EHMT1: variants seen among roughly 807,000 people sequenced by gnomAD.
EHMT1 encodes histone-lysine N-methyltransferase EHMT1.
EHMT1 carries 15 observed loss-of-function variants against 147.2 expected under a neutral mutation model. That is an observed-to-expected ratio of 0.10 (90% CI 0.07 to 0.16). The LOEUF (loss-of-function observed/expected upper bound fraction) is 0.16. Among genes scored for constraint, EHMT1 ranks in the 10% least tolerant of loss-of-function variants. The pLI is 1.00. For missense variants in EHMT1, 1,587 were observed against 1,772.4 expected, an observed-to-expected ratio of 0.90 and a Z score of 1.88; for synonymous variants, 795 against 709.6, an observed-to-expected ratio of 1.12 and a Z score of -1.91.
Position 137,754,409 on chromosome 9 carries a change from A to T in EHMT1, c.1369+118A>T, listed in dbSNP as rs1009074288. ...ATTAGAAAAGAGGGCATCACTGTTT[A>T]AAAAAAATGTTTGAAATGACTTTGT... is the stretch of plus-strand genomic sequence containing the variant. On this transcript the variant is annotated intron_variant, in intron 8 of 26. Transcript: ENST00000460843. The T allele has an allele frequency of 4.4e-6, 6 of 1,377,510 alleles. No individual in the cohort carries two copies. In the African/African-American group the frequency reaches 4.4e-5, roughly 10 times the overall value. 85.3% of individuals were successfully genotyped at this position (1,377,510 alleles called of 1,614,324 possible). A position where few individuals can be genotyped will look rare whatever the true frequency, so the allele number is the denominator to read the frequency against.
intron 3 of EHMT1, among the ~76,000 whole-genome samples, chr9:137,725,205 CTTCGTGGGGCAGGTATGTGGCA>C (rs1180779023): frequency 2.3e-5 from 3 of 130,062 alleles, no homozygotes; most frequent in Non-Finnish European, 3.3e-5. Context: ...GGTGTGTGGC[CTTCGTGGGGCAGGTATGTGGCA>C]TTCGTGGGGC....
rs190705955 is a variant in EHMT1, at chr9:137,727,601, T to C, written c.643-748T>C. Among the ~76,000 whole-genome samples the C allele has an allele frequency of 2.5e-3, 380 of 152,372 alleles. 3 individuals are homozygous for C. Among genetic ancestry groups the C allele is most frequent in the African/African-American group, 8.7e-3 (362 of 41,594 alleles). On this transcript the variant is annotated intron_variant, in intron 3 of 26. Coordinates refer to ENST00000460843, the MANE Select transcript of EHMT1 (RefSeq NM_024757.5). ...TTTTACTGTGTATTTTACTGTGTAT[T>C]GCACCCACTATGTGCACAGTAAAGT...
At chr9:137,700,848 G>C (rs531234706) in intron 1 of EHMT1, among the ~76,000 whole-genome samples, 3 of 152,138 alleles carry the variant, frequency 2.0e-5, no homozygotes, top group African/African-American at 7.2e-5. Flanking sequence ...GGGTGTATTG[G>C]CTCGTTCTCA....
intron 1 of EHMT1, chr9:137,641,563 C>T (rs891285469): frequency 1.7e-5 from 5 of 297,876 alleles, no homozygotes; most frequent in South Asian, 5.9e-5. Context: ...CGTGGTTGGC[C>T]GAATTTGTCT....
At chr9:137,752,546 C>A in intron 7 of EHMT1, 138 bp downstream of exon 7, 1 of 983,192 alleles carries the variant, frequency 1.0e-6, no homozygotes, top group South Asian at 1.4e-5. Flanking sequence ...ATGGTGATGG[C>A]CACAGATGGG....
intron 16 of EHMT1, among the ~76,000 whole-genome samples, chr9:137,794,650 G>GAA (rs11302977): frequency 1.7e-4 from 18 of 106,244 alleles, no homozygotes; most frequent in African/African-American, 5.7e-4. Flanking sequence ...CCATCTCTAA[G>GAA]AAAAAAAAAA....
At chr9:137,784,287 C>T in intron 15 of EHMT1, 2 of 1,463,192 alleles carry the variant, frequency 1.4e-6, no homozygotes, top group Non-Finnish European at 1.8e-6. Context: ...CTCCGCCTTT[C>T]AGAGAGGCGT....
At chr9:137,743,555 C>G in intron 5 of EHMT1, 27 bp downstream of exon 5, 2 of 1,613,860 alleles carry the variant, frequency 1.2e-6, no homozygotes, top group Non-Finnish European at 1.7e-6. Flanking sequence ...AGTGAGTTGC[C>G]ACGTGTGCGT....
Position 137,834,979 on chromosome 9 carries a change from G to A in EHMT1, c.*26G>A, listed in dbSNP as rs995225006. On this transcript the variant is annotated 3_prime_UTR_variant, in exon 27 of 27. Coordinates refer to ENST00000460843, the MANE Select transcript of EHMT1 (RefSeq NM_024757.5). Reference sequence around the variant, plus strand: ...GACGCCGCCGGCCAGCGGGGCGCTCGGGAGCCAGGGACCGCCGCGTCGCCG... The same window carrying A: ...GACGCCGCCGGCCAGCGGGGCGCTCAGGAGCCAGGGACCGCCGCGTCGCCG... 3.6e-6 allele frequency: 5 copies of A among 1,384,738 alleles called. No individual in the cohort carries two copies. The highest frequency in any genetic ancestry group is 4.6e-6 in the Non-Finnish European group (5 of 1,077,660). 85.8% of individuals were successfully genotyped at this position (1,384,738 alleles called of 1,614,324 possible). A position where few individuals can be genotyped will look rare whatever the true frequency, so the allele number is the denominator to read the frequency against.
chr9:137,796,456 G>A (rs940704820), intron 16 of EHMT1, among the ~76,000 whole-genome samples: 4 of 152,144 alleles, frequency 2.6e-5, no homozygotes, highest in Non-Finnish European at 5.9e-5. Flanking sequence ...TGTAATCCCA[G>A]CACTTTGGGA....
chr9:137,704,073 CCA>C (rs1944052491), intron 1 of EHMT1, among the ~76,000 whole-genome samples: 1 of 152,054 alleles, frequency 6.6e-6, no homozygotes, highest in Non-Finnish European at 1.5e-5. Flanking sequence ...GGGGGAAGTG[CCA>C]CACACTTTCC....
At chr9:137,670,725 A>ACGGGCCTGTCTGCGCGTCTTCCT (rs1940496270) in intron 1 of EHMT1, among the ~76,000 whole-genome samples, 1 of 152,002 alleles carries the variant, frequency 6.6e-6, no homozygotes, top group Non-Finnish European at 1.5e-5. Context: ...TCCAGTTCCT[A>ACGGGCCTGTCTGCGCGTCTTCCT]CGGGCCTGTC....
At chr9:137,694,880 G>A (rs1490064880) in intron 1 of EHMT1, among the ~76,000 whole-genome samples, 1 of 152,240 alleles carries the variant, frequency 6.6e-6, no homozygotes, top group Non-Finnish European at 1.5e-5. Flanking sequence ...TGTACTCTCG[G>A]TCTTGAAGGA....
chr9:137,704,149 A>T (rs1210595172), intron 1 of EHMT1, among the ~76,000 whole-genome samples: 1 of 152,220 alleles, frequency 6.6e-6, no homozygotes, highest in Non-Finnish European at 1.5e-5. Context: ...CCCATGATCC[A>T]GTTACCTCCC....
chr9:137,796,120 G>A (rs1185620209), intron 16 of EHMT1, among the ~76,000 whole-genome samples: 4 of 152,190 alleles, frequency 2.6e-5, no homozygotes, highest in African/African-American at 7.2e-5. Flanking sequence ...CTTCCAACAC[G>A]AAGACGCCAG....
intron 1 of EHMT1, among the ~76,000 whole-genome samples, chr9:137,690,944 TACATA>T (rs1340789845): frequency 6.6e-6 from 1 of 152,232 alleles, no homozygotes; most frequent in African/African-American, 2.4e-5. Flanking sequence ...TGACAACATA[TACATA>T]ACATAAAATT....
At position 137,830,514 on chromosome 9, in the gene EHMT1, A is replaced by G. The variant is rs561837369; in HGVS notation, c.3541-3835A>G. On this transcript the variant is annotated intron_variant, in intron 25 of 26. Coordinates refer to ENST00000460843, the MANE Select transcript of EHMT1 (RefSeq NM_024757.5). Reference sequence around the variant, plus strand: ...TTTTATCCAACTTCTTTGATTTTATATTTGCATCTCTTACAATAAAAATTT... The same window carrying G: ...TTTTATCCAACTTCTTTGATTTTATGTTTGCATCTCTTACAATAAAAATTT... Among the ~76,000 whole-genome samples, 105 of 152,286 alleles carry G rather than the reference A, an allele frequency of 6.9e-4. 3 individuals are homozygous for G. Among genetic ancestry groups the G allele is most frequent in the South Asian group, 6.2e-4 (3 of 4,826 alleles).
chr9:137,653,568 G>A (rs568388804), intron 1 of EHMT1, among the ~76,000 whole-genome samples: 18 of 151,618 alleles, frequency 1.2e-4, no homozygotes, highest in African/African-American at 3.9e-4. Flanking sequence ...TGCTCTTGTC[G>A]CCCAGGCTGG....
At chr9:137,719,091 C>G (rs1266201693) in intron 3 of EHMT1, among the ~76,000 whole-genome samples, 1 of 152,156 alleles carries the variant, frequency 6.6e-6, no homozygotes, top group Non-Finnish European at 1.5e-5. Context: ...TGAATTCTAT[C>G]TTGCGTTATC....
Sources: allele counts gnomAD v4.1 joint callset (sites outside exome capture counted in the v4.1 genomes callset), GRCh38; gene constraint gnomAD v4.1.1; transcripts MANE v1.5; gene names NCBI Gene and HGNC (gene_info 2026-07-23, HGNC 2026-07-21).